The following SIPA1L1 variants were observed in gnomAD, a reference collection of about 807,000 sequenced individuals.
SIPA1L1 encodes the protein signal induced proliferation associated 1 like 1, also known as signal-induced proliferation-associated 1-like protein 1.
In SIPA1L1, 26 loss-of-function variants were observed where a neutral mutation model predicts 162.7. The observed-to-expected ratio is 0.16, with a 90% CI of 0.12 to 0.22. SIPA1L1 has a LOEUF of 0.22. Among genes scored for constraint, SIPA1L1 ranks in the 10% least tolerant of loss-of-function variants. The probability of loss-of-function intolerance (pLI) is 1.00; values close to 1 mark genes in which losing one functional copy is unlikely to be tolerated. For missense variants in SIPA1L1, 1,874 were observed against 2,241.0 expected (o/e 0.84, Z 3.31); for synonymous variants, 829 against 837.4 (o/e 0.99, Z 0.17).
chr14:71,532,368 GA>G (rs1252716162), intron 4 of SIPA1L1, among the ~76,000 whole-genome samples: 5 of 152,122 alleles, frequency 3.3e-5, no homozygotes, highest in African/African-American at 1.2e-4. Context: ...TCTTATATAT[GA>G]AAGGACTTGT....
chr14:71,446,894 G>GTT (rs765106790), intron 2 of SIPA1L1, among the ~76,000 whole-genome samples: 1,120 of 87,320 alleles, frequency 0.013, 36 homozygotes, highest in Non-Finnish European at 0.018. Flanking sequence ...GATGGGCTCT[G>GTT]TTTTTTTTTT....
At chr14:71,661,573 A>T in intron 10 of SIPA1L1, 106 bp downstream of exon 10, 1 of 1,212,984 alleles carries the variant, frequency 8.2e-7, no homozygotes, top group African/African-American at 1.5e-5. Flanking sequence ...GTCTATTACT[A>T]TTTCTTTTTG....
chr14:71,590,036 A>T (rs201298735), intron 5 of SIPA1L1, among the ~76,000 whole-genome samples: 776 of 73,884 alleles, frequency 0.011, 2 homozygotes, highest in Admixed American at 0.013. Flanking sequence ...AAAAAAAAAA[A>T]AAAAAAAAAT....
chr14:71,338,815 C>G (rs1169564044), intron 2 of SIPA1L1, among the ~76,000 whole-genome samples: 1 of 151,616 alleles, frequency 6.6e-6, no homozygotes, highest in Non-Finnish European at 1.5e-5. Flanking sequence ...TCTCGGCTCA[C>G]TGCAACCTCC....
chr14:71,512,554 T>C (rs1293245777), intron 2 of SIPA1L1, among the ~76,000 whole-genome samples, 189 bp from the exon 3 acceptor site: 2 of 134,020 alleles, frequency 1.5e-5, no homozygotes, highest in East Asian at 4.5e-4. Context: ...GCCACTGCAC[T>C]CCAGCCTGGC....
chr14:71,543,090 C>G (rs1185457145), intron 4 of SIPA1L1, among the ~76,000 whole-genome samples: 1 of 152,076 alleles, frequency 6.6e-6, no homozygotes, highest in Admixed American at 6.6e-5. Context: ...TTCTCTGGCT[C>G]TTTCCTGTCC....
chr14:71,381,552 A>G (rs1018890729), intron 2 of SIPA1L1, among the ~76,000 whole-genome samples: 1 of 152,288 alleles, frequency 6.6e-6, no homozygotes, highest in Non-Finnish European at 1.5e-5. Flanking sequence ...ATTTGTTGAC[A>G]TAAAGTATAG....
intron 10 of SIPA1L1, among the ~76,000 whole-genome samples, chr14:71,667,678 G>T (rs568074273): frequency 2.0e-5 from 3 of 152,244 alleles, no homozygotes; most frequent in African/African-American, 7.2e-5. Flanking sequence ...TAAATTTTGG[G>T]CTGGGGATTG....
At chr14:71,331,985 T>C (rs1362212537) in intron 2 of SIPA1L1, among the ~76,000 whole-genome samples, 5 of 152,318 alleles carry the variant, frequency 3.3e-5, no homozygotes, top group South Asian at 2.1e-4. Flanking sequence ...TAAGAAATAT[T>C]TTCTCATCAT....
At chr14:71,732,812 C>T (rs1449907557) in intron 20 of SIPA1L1, among the ~76,000 whole-genome samples, 1 of 152,128 alleles carries the variant, frequency 6.6e-6, no homozygotes, top group Admixed American at 6.5e-5. Context: ...GTGCCCCTCA[C>T]ACCCCCTTGG....
chr14:71,718,350 A>C (rs2083425859), intron 17 of SIPA1L1, among the ~76,000 whole-genome samples: 1 of 152,276 alleles, frequency 6.6e-6, no homozygotes, highest in Admixed American at 6.5e-5. Flanking sequence ...CTAATCAATT[A>C]AATGGGGCTG....
chr14:71,716,343 T>C (rs944753645), intron 17 of SIPA1L1, among the ~76,000 whole-genome samples: 1 of 152,198 alleles, frequency 6.6e-6, no homozygotes, highest in African/African-American at 2.4e-5. Flanking sequence ...CTCCTCTCCT[T>C]GGTATTAGAC....
At chr14:71,544,464 A>G (rs1481273469) in intron 4 of SIPA1L1, among the ~76,000 whole-genome samples, 1 of 152,134 alleles carries the variant, frequency 6.6e-6, no homozygotes, top group Non-Finnish European at 1.5e-5. Flanking sequence ...ATGAACAAAA[A>G]GTTTAATAAG....
Position 71,590,224 on chromosome 14 carries a change from C to T in SIPA1L1, c.1498+854C>T, listed in dbSNP as rs117189158. On this transcript the variant is annotated intron_variant, in intron 5 of 23. Transcript: ENST00000381232. ...GAACCCTTACAAGCTTTTTGAGCAG[C>T]GTTAATTAAGGAATGAGTTTAAGTC... Among the ~76,000 whole-genome samples, 239 of 151,574 alleles carry T rather than the reference C, an allele frequency of 1.6e-3. 3 individuals are homozygous for T. Among genetic ancestry groups the T allele is most frequent in the Non-Finnish European group, 2.9e-3 (199 of 67,884 alleles).
chr14:71,448,494 T>C (rs1435036696), intron 2 of SIPA1L1, among the ~76,000 whole-genome samples: 2 of 152,206 alleles, frequency 1.3e-5, no homozygotes, highest in Admixed American at 1.3e-4. Flanking sequence ...GAATTCTATA[T>C]TCTGAAAACC....
At chr14:71,472,126 C>T (rs1452674800) in intron 2 of SIPA1L1, among the ~76,000 whole-genome samples, 2 of 152,156 alleles carry the variant, frequency 1.3e-5, no homozygotes, top group African/African-American at 2.4e-5. Context: ...TGCCCACCAC[C>T]CTCACTGCTT....
At chr14:71,708,943 T>A (rs2082672041) in intron 16 of SIPA1L1, among the ~76,000 whole-genome samples, 1 of 152,168 alleles carries the variant, frequency 6.6e-6, no homozygotes, top group Non-Finnish European at 1.5e-5. Flanking sequence ...TTAAATTTCT[T>A]CCTGACTAAA....
chr14:71,474,139 A>G (rs2047674387), intron 2 of SIPA1L1, among the ~76,000 whole-genome samples: 1 of 152,270 alleles, frequency 6.6e-6, no homozygotes, highest in Non-Finnish European at 1.5e-5. Context: ...TGGCTTATAA[A>G]GATTCCTACA....
At chr14:71,536,548 A>G (rs979831182) in intron 4 of SIPA1L1, among the ~76,000 whole-genome samples, 1 of 152,196 alleles carries the variant, frequency 6.6e-6, no homozygotes, top group African/African-American at 2.4e-5. Context: ...AACAGTGTCT[A>G]TTTAGATTTT....
Sources: gnomAD v4.1 joint callset for allele counts (sites outside exome capture counted in the v4.1 genomes callset) on GRCh38, gnomAD v4.1.1 for gene constraint, MANE v1.5 for transcripts, NCBI Gene and HGNC (gene_info 2026-07-23, HGNC 2026-07-21) for gene names.